The following PRDM6 variants were observed in gnomAD, a reference collection of about 807,000 sequenced individuals.
The protein encoded by PRDM6 is PR/SET domain 6.
Under a neutral mutation model 60.8 loss-of-function variants are expected in PRDM6, and 25 were observed. That is an observed-to-expected ratio of 0.41 (90% CI 0.30 to 0.57). PRDM6 has a LOEUF of 0.57. PRDM6 is among the 20% of genes least tolerant of loss of function. The pLI is 0.27. For missense variants in PRDM6, 839 were observed against 821.3 expected (o/e 1.02, Z -0.26); for synonymous variants, 407 against 357.4 (o/e 1.14, Z -1.57).
In PRDM6 at chr5:123,190,126, T is replaced by C. The variant is rs1251613643; in HGVS notation, c.*2925T>C. 6.6e-6 allele frequency: 1 copy of C among 152,234 alleles called. No homozygotes were observed. The highest frequency in any genetic ancestry group is 1.5e-5 in the Non-Finnish European group (1 of 68,044). The allele number at this position is 152,234 out of a possible 1,614,324, so 9.4% of individuals were successfully genotyped here. A position where few individuals can be genotyped will look rare whatever the true frequency, so the allele number is the denominator to read the frequency against. ...GATAAGAAAGGTAGTCTGTCAGAGC[T>C]GAATCAGGGTTTGGCTCTTGAAGCA... On this transcript the variant is annotated 3_prime_UTR_variant, in exon 8 of 8. Transcript: ENST00000407847.
At chr5:123,112,197 A>G (rs976214378) in intron 3 of PRDM6, among the ~76,000 whole-genome samples, 4 of 151,770 alleles carry the variant, frequency 2.6e-5, no homozygotes, top group African/African-American at 9.7e-5. Context: ...TTGGCAGTGT[A>G]CAAAGGGCCT....
chr5:123,191,101 C>G lies in PRDM6; in HGVS notation c.*3900C>G, dbSNP rs919059543. The G allele has an allele frequency of 2.6e-5, 4 of 152,232 alleles. No homozygotes were observed. Among genetic ancestry groups the G allele is most frequent in the African/African-American group, 7.2e-5 (3 of 41,524 alleles). 9.4% of individuals were successfully genotyped at this position (152,232 alleles called of 1,614,324 possible). ...TGGGTCTTGGGTTTTTATGACCCCC[C>G]CTTTCAATGATAAGGCAACAAGTTG... On this transcript the variant is annotated 3_prime_UTR_variant, in exon 8 of 8. Transcript: ENST00000407847.
intron 3 of PRDM6, among the ~76,000 whole-genome samples, chr5:123,151,974 G>C (rs2126869741): frequency 6.6e-6 from 1 of 152,154 alleles, no homozygotes; most frequent in African/African-American, 2.4e-5. Flanking sequence ...GAAAGCCTGT[G>C]CTGGTAAAAA....
intron 3 of PRDM6, among the ~76,000 whole-genome samples, chr5:123,138,774 A>AGG (rs781495427): frequency 6.6e-6 from 1 of 152,212 alleles, no homozygotes; most frequent in Non-Finnish European, 1.5e-5. Context: ...AGGCATAGAA[A>AGG]GAAGCTATTG....
At chr5:123,177,536 G>C (rs1178747364) in intron 6 of PRDM6, among the ~76,000 whole-genome samples, 1 of 152,054 alleles carries the variant, frequency 6.6e-6, no homozygotes, top group African/African-American at 2.4e-5. Context: ...CCTATATTTT[G>C]GTACTAGATT....
At chr5:123,176,432 T>A (rs1185937681) in intron 6 of PRDM6, among the ~76,000 whole-genome samples, 6 of 152,150 alleles carry the variant, frequency 3.9e-5, no homozygotes, top group Non-Finnish European at 7.4e-5. Flanking sequence ...ATTTTGGGAC[T>A]GGGCACAGTG....
At chr5:123,151,868 AT>A (rs767313003) in intron 3 of PRDM6, among the ~76,000 whole-genome samples, 7 of 152,162 alleles carry the variant, frequency 4.6e-5, no homozygotes, top group Non-Finnish European at 1.0e-4. Flanking sequence ...TCAACCCCTC[AT>A]TTTTTAACCA....
intron 3 of PRDM6, among the ~76,000 whole-genome samples, chr5:123,110,244 A>C (rs1764279408): frequency 6.6e-6 from 1 of 150,694 alleles, no homozygotes; most frequent in East Asian, 1.9e-4. Flanking sequence ...ATTTTTCCTG[A>C]TATATATTTA....
intron 3 of PRDM6, among the ~76,000 whole-genome samples, chr5:123,114,644 C>T (rs915160752): frequency 6.6e-6 from 1 of 152,186 alleles, no homozygotes; most frequent in African/African-American, 2.4e-5. Context: ...TAAATTTGAT[C>T]ATTCAGGTTT....
rs1006987511 is a variant in PRDM6 at position 123,182,825 on chromosome 5, T to A, written c.1673+2502T>A. Among the ~76,000 whole-genome samples, 6 of 152,308 alleles carry A rather than the reference T, an allele frequency of 3.9e-5. No homozygotes were observed. In the South Asian group the frequency reaches 1.0e-3, roughly 26 times the overall value. On this transcript the variant is annotated intron_variant, in intron 7 of 7. Transcript: ENST00000407847. ...GCCACATGCTGTAGTTGTTTTTTTTTATTTTAATTTATCAAATAGATATTC... is the reference window on the plus strand; with the variant it reads ...GCCACATGCTGTAGTTGTTTTTTTTAATTTTAATTTATCAAATAGATATTC...
chr5:123,157,764 A>T (rs1025133409), intron 4 of PRDM6, among the ~76,000 whole-genome samples: 3 of 152,214 alleles, frequency 2.0e-5, no homozygotes, highest in African/African-American at 4.8e-5. Flanking sequence ...TCATTCTGTT[A>T]TGATTTGTAA....
intron 3 of PRDM6, among the ~76,000 whole-genome samples, chr5:123,148,415 A>T (rs1765295543): frequency 6.6e-6 from 1 of 152,218 alleles, no homozygotes; most frequent in African/African-American, 2.4e-5. Flanking sequence ...TATTAGAAAC[A>T]ACAACAAAGT....
intron 2 of PRDM6, among the ~76,000 whole-genome samples, chr5:123,091,850 C>G (rs937164882): frequency 2.0e-5 from 3 of 152,118 alleles, no homozygotes; most frequent in African/African-American, 7.2e-5. Context: ...TGCAAAATGT[C>G]TACCGCTCTG....
At position 123,090,364 on chromosome 5, in the gene PRDM6, C is replaced by T. The variant is rs1489183343; in HGVS notation, c.350C>T (p.Pro117Leu). 6.8e-6 allele frequency: 10 copies of T among 1,472,108 alleles called. No homozygotes were observed. The highest frequency in any genetic ancestry group is 5.1e-5 in the South Asian group (4 of 77,670). The allele number at this position is 1,472,108 out of a possible 1,614,324, so 91.2% of individuals were successfully genotyped here. Reference sequence around the variant, plus strand: ...TCGGCCCTGCCGGTGTCGCAGCTGCCGGTGTTCGCGCCTCTAGCCGCCGCT... The same window carrying T: ...TCGGCCCTGCCGGTGTCGCAGCTGCTGGTGTTCGCGCCTCTAGCCGCCGCT... ...GLSALPVSQL[P>L]VFAPLAAAAV... Residue 117 changes from proline to leucine, a missense_variant, in exon 2 of 8, where the codon CCG becomes CTG. Physicochemically the swap from Pro to Leu is moderately conservative, Grantham distance 98. Coordinates refer to ENST00000407847, the MANE Select transcript of PRDM6 (RefSeq NM_001136239.4).
Position 123,099,803 on chromosome 5 carries a change from G to T in PRDM6, c.742G>T (p.Val248Leu). Residue 248 changes from valine (V) to leucine (L), a missense_variant, in exon 3 of 8, where the codon GTG (valine) becomes TTG (leucine). By Grantham distance (32) the Val-to-Leu change is conservative (BLOSUM62 1). This residue lies in a region of PRDM6 where 730 missense variants were observed against 648.8 expected (regional missense o/e 1.13). Transcript: ENST00000407847. The surrounding 1 kb of genome is among the most constrained non-coding windows in gnomAD (Gnocchi z 4.0). Reference protein sequence around the residue: ...PEWLRDLPREVCLCTSTVPGL... With the variant: ...PEWLRDLPRELCLCTSTVPGL... ...GTGGCTGCGGGACCTGCCTCGCGAG[G>T]TGTGCCTCTGCACCAGTACTGTGCC... The T allele has an allele frequency of 1.3e-6, 2 of 1,549,382 alleles. No homozygotes were observed. Among genetic ancestry groups the T allele is most frequent in the African/African-American group, 1.4e-5 (1 of 73,098 alleles).
intron 3 of PRDM6, among the ~76,000 whole-genome samples, chr5:123,116,946 C>A (rs1251165265): frequency 2.0e-5 from 3 of 152,172 alleles, no homozygotes; most frequent in Non-Finnish European, 2.9e-5. Context: ...TGTCTCCCAG[C>A]CAGTAATTTC....
At chr5:123,093,025 T>C (rs1051875216) in intron 2 of PRDM6, among the ~76,000 whole-genome samples, 1 of 152,210 alleles carries the variant, frequency 6.6e-6, no homozygotes, top group Non-Finnish European at 1.5e-5. Flanking sequence ...AAGCTTCTCC[T>C]CATTCTCGAG....
At chr5:123,177,086 G>A (rs573872564) in intron 6 of PRDM6, among the ~76,000 whole-genome samples, 28 of 152,262 alleles carry the variant, frequency 1.8e-4, no homozygotes, top group African/African-American at 5.3e-4. Flanking sequence ...AAGTTGTGAT[G>A]CCTGAGATTC....
chr5:123,152,945 TA>T (rs1391334240), intron 3 of PRDM6, among the ~76,000 whole-genome samples: 1 of 152,228 alleles, frequency 6.6e-6, no homozygotes, highest in Non-Finnish European at 1.5e-5. Context: ...TTAGATTCAA[TA>T]CTGTTAAAAT....
Sources: gnomAD v4.1 joint callset for allele counts (sites outside exome capture counted in the v4.1 genomes callset) on GRCh38, gnomAD v4.1.1 for gene constraint, gnomAD v4.1.1 regional missense constraint, Gnocchi (gnomAD v3.1) non-coding constraint, MANE v1.5 for transcripts, NCBI Gene and HGNC (gene_info 2026-07-23, HGNC 2026-07-21) for gene names.